Variants in DCAF8L2 observed in about 807,000 individuals in gnomAD.
DCAF8L2 encodes the protein DDB1 and CUL4 associated factor 8 like 2.
For synonymous variants in DCAF8L2, 200 were observed against 190.9 expected (o/e 1.05, Z -0.39); for missense variants, 430 against 490.7 (o/e 0.88, Z 1.17).
chrX:27,493,706 C>CAAAAAAAAAAA, the DCAF8L2 span, among the ~76,000 whole-genome samples: 1 of 18,378 alleles, frequency 5.4e-5, no homozygotes, highest in Admixed American at 8.0e-4. Flanking sequence ...AACTCCATCT[C>CAAAAAAAAAAA]AAAAAAAAAA....
intron 1 of DCAF8L2, among the ~76,000 whole-genome samples, chrX:27,614,473 G>A (rs1302715702): frequency 9.0e-6 from 1 of 111,094 alleles, no homozygotes; most frequent in Non-Finnish European, 1.9e-5. Context: ...TCTGATCTTA[G>A]TTATTTCTAG....
intron 4 of DCAF8L2, among the ~76,000 whole-genome samples, chrX:27,716,374 T>C (rs1480008530): frequency 8.9e-6 from 1 of 112,592 alleles, no homozygotes; most frequent in Non-Finnish European, 1.9e-5. Context: ...AGTACTTGAA[T>C]ATTAGTTTGT....
At chrX:27,731,230 C>T (rs1231520166) in intron 4 of DCAF8L2, among the ~76,000 whole-genome samples, 1 of 109,441 alleles carries the variant, frequency 9.1e-6, no homozygotes, top group Non-Finnish European at 1.9e-5. Context: ...ATGGTGAAAC[C>T]CTGTCTCTAC....
Position 27,747,258 on chromosome X carries a change from AGAG to A in DCAF8L2, c.368_370del (p.Glu123del). ...GGGAGGAGGAAGACGAAGAGATACA[AGAG>A]GAGGGAGGGGAGGAGGAGGAAGAGG... On this transcript the variant is annotated inframe_deletion, in exon 5 of 5. Coordinates refer to ENST00000451261, the MANE Select transcript of DCAF8L2 (RefSeq NM_001353450.2). 1 of 1,110,309 alleles carries A rather than the reference AGAG, an allele frequency of 9.0e-7. No individual in the cohort carries two copies. The highest frequency in any genetic ancestry group is 1.2e-6 in the Non-Finnish European group (1 of 839,371). The allele number at this position is 1,110,309 out of a possible 1,213,427, so 91.5% of individuals were successfully genotyped here. A position where few individuals can be genotyped will look rare whatever the true frequency, so the allele number is the denominator to read the frequency against.
the DCAF8L2 span, among the ~76,000 whole-genome samples, chrX:27,562,272 GC>G: frequency 8.9e-6 from 1 of 112,498 alleles, no homozygotes; most frequent in South Asian, 3.7e-4. Context: ...CATTGCACCT[GC>G]TAGGGCATTT....
At chrX:27,666,021 A>G (rs1422443727) in intron 2 of DCAF8L2, among the ~76,000 whole-genome samples, 1 of 111,692 alleles carries the variant, frequency 9.0e-6, no homozygotes, top group Non-Finnish European at 1.9e-5. Context: ...CTGTATATGT[A>G]CTATTAAGAA....
chrX:27,595,282 C>T (rs1210926109), intron 1 of DCAF8L2, among the ~76,000 whole-genome samples: 6 of 111,671 alleles, frequency 5.4e-5, no homozygotes, highest in Non-Finnish European at 1.1e-4. Context: ...TTTTTTATTT[C>T]CTTTTGGAAG....
At chrX:27,673,366 G>C (rs913658914) in intron 2 of DCAF8L2, among the ~76,000 whole-genome samples, 1 of 107,544 alleles carries the variant, frequency 9.3e-6, no homozygotes, top group East Asian at 2.9e-4. Context: ...AAATTAGCCG[G>C]GCGTGGTGGC....
At chrX:27,538,034 G>A in the DCAF8L2 span, among the ~76,000 whole-genome samples, 1 of 111,316 alleles carries the variant, frequency 9.0e-6, no homozygotes, top group Non-Finnish European at 1.9e-5. Flanking sequence ...GATGTTTTGT[G>A]TGATTAGGGT....
chrX:27,541,243 CAA>C, the DCAF8L2 span, among the ~76,000 whole-genome samples: 1 of 111,805 alleles, frequency 8.9e-6, no homozygotes, highest in Non-Finnish European at 1.9e-5. Flanking sequence ...TATGATCTGA[CAA>C]AAAGAGTATG....
rs2147351012 is a variant in DCAF8L2, at chrX:27,747,294, G to GGAA, written c.401_402insAGA (p.Glu147dup). On this transcript the variant is annotated inframe_insertion, in exon 5 of 5. Coordinates refer to ENST00000451261, the MANE Select transcript of DCAF8L2 (RefSeq NM_001353450.2). ...GGGAGGAGGAGGAAGAGGAGGAGGAGGAGGAGGAGGAGGAGGAGGAGGAGG... is the reference window on the plus strand; with the variant it reads ...GGGAGGAGGAGGAAGAGGAGGAGGAGGAAGAGGAGGAGGAGGAGGAGGAGGAGG... 1.3e-6 allele frequency: 1 copy of GGAA among 795,683 alleles called. No individual in the cohort carries two copies. Among genetic ancestry groups the GGAA allele is most frequent in the Non-Finnish European group, 1.6e-6 (1 of 617,717 alleles). 65.6% of individuals were successfully genotyped at this position (795,683 alleles called of 1,213,427 possible).
intron 3 of DCAF8L2, among the ~76,000 whole-genome samples, chrX:27,711,858 A>G (rs946476463): frequency 2.7e-5 from 3 of 110,775 alleles, no homozygotes; most frequent in Non-Finnish European, 5.7e-5. Flanking sequence ...TTAGCTAACT[A>G]TGAATTCAAT....
chrX:27,547,665 C>T, the DCAF8L2 span, among the ~76,000 whole-genome samples: 1 of 110,625 alleles, frequency 9.0e-6, no homozygotes. Context: ...CACTCAAAAT[C>T]GGGAGAACAA....
At chrX:27,568,946 A>AACACAC in the DCAF8L2 span, among the ~76,000 whole-genome samples, 192 of 86,557 alleles carry the variant, frequency 2.2e-3, 2 homozygotes, top group African/African-American at 6.7e-3. Context: ...TTGGAACTCA[A>AACACAC]ACACACACAC....
chrX:27,565,056 T>A, the DCAF8L2 span, among the ~76,000 whole-genome samples: 1 of 109,221 alleles, frequency 9.2e-6, no homozygotes, highest in African/African-American at 3.3e-5. Flanking sequence ...TAACAATACA[T>A]TATATATTAT....
the DCAF8L2 span, among the ~76,000 whole-genome samples, chrX:27,557,000 C>T: frequency 3.1e-4 from 35 of 112,167 alleles, no homozygotes; most frequent in Non-Finnish European, 5.8e-4. Context: ...TAGTAAATGG[C>T]TTTGAAATAT....
At chrX:27,556,391 A>G in the DCAF8L2 span, among the ~76,000 whole-genome samples, 1 of 111,538 alleles carries the variant, frequency 9.0e-6, no homozygotes, top group African/African-American at 3.3e-5. Flanking sequence ...TGCGATATAA[A>G]CACAAGCCAT....
At chrX:27,495,396 G>A in the DCAF8L2 span, among the ~76,000 whole-genome samples, 9 of 111,256 alleles carry the variant, frequency 8.1e-5, no homozygotes, top group African/African-American at 2.9e-4. Flanking sequence ...TAGGACCTTT[G>A]CATTTACATA....
chrX:27,692,442 C>A (rs5971437), intron 3 of DCAF8L2, among the ~76,000 whole-genome samples: 7,053 of 111,249 alleles, frequency 0.063, 512 homozygotes, highest in African/African-American at 0.22. Flanking sequence ...GTATTAAGTG[C>A]CTAAACAATG....
Sources: allele counts gnomAD v4.1 joint callset (sites outside exome capture counted in the v4.1 genomes callset), GRCh38; gene constraint gnomAD v4.1.1; transcripts MANE v1.5; gene names NCBI Gene and HGNC (gene_info 2026-07-23, HGNC 2026-07-21).